SLC22A23: variants seen among roughly 807,000 people sequenced by gnomAD.
SLC22A23 encodes ion transporter protein.
A neutral mutation model predicts 61.0 loss-of-function variants in SLC22A23; 26 were observed. The observed-to-expected ratio is 0.43, with a 90% CI of 0.31 to 0.59. The LOEUF (loss-of-function observed/expected upper bound fraction) is 0.59, where lower values mean the gene tolerates loss of function less well. SLC22A23 is among the 20% of genes least tolerant of loss of function. The pLI is 0.11. For synonymous variants in SLC22A23, 430 were observed against 413.9 expected, an observed-to-expected ratio of 1.04 and a Z score of -0.47; for missense variants, 796 against 934.7, an observed-to-expected ratio of 0.85 and a Z score of 1.94.
In SLC22A23 at chr6:3,410,089, C is replaced by T. The variant is rs1769111893; in HGVS notation, c.913+99G>A. Reference sequence around the variant, plus strand: ...GTTTGTGTTTCCACAAAACTGCCAGCCCACACGAGCAGCATGCACAGTATC... The same window carrying T: ...GTTTGTGTTTCCACAAAACTGCCAGTCCACACGAGCAGCATGCACAGTATC... On this transcript the variant is annotated intron_variant, in intron 3 of 9. Coordinates refer to ENST00000406686, the MANE Select transcript of SLC22A23 (RefSeq NM_015482.2). This position sits in a 1 kb window ranked among gnomAD's most constrained non-coding sequence, Gnocchi z 5.0. 2 of 1,380,826 alleles carry T rather than the reference C, an allele frequency of 1.4e-6. No homozygotes were observed. Among genetic ancestry groups the T allele is most frequent in the Non-Finnish European group, 1.9e-6 (2 of 1,028,736 alleles). 85.5% of individuals were successfully genotyped at this position (1,380,826 alleles called of 1,614,324 possible).
chr6:3,282,724 G>A (rs1298298583), intron 9 of SLC22A23, among the ~76,000 whole-genome samples: 4 of 152,250 alleles, frequency 2.6e-5, no homozygotes, highest in African/African-American at 4.8e-5. Context: ...GAAGTTCAGT[G>A]TGGTATAACT....
Position 3,289,872 on chromosome 6 carries a change from A to G in SLC22A23, c.1211-6T>C, listed in dbSNP as rs751487730. 4 of 1,613,362 alleles carry G rather than the reference A, an allele frequency of 2.5e-6. No individual in the cohort carries two copies. The highest frequency in any genetic ancestry group is 3.4e-6 in the Non-Finnish European group (4 of 1,179,720). Reference sequence around the variant, plus strand: ...GGAAAGCTCTTTCTCCAGCTCTGCAAAGAAACAGACCCTGTGAGCCCTGGG... The same window carrying G: ...GGAAAGCTCTTTCTCCAGCTCTGCAGAGAAACAGACCCTGTGAGCCCTGGG... On this transcript the variant is annotated splice_polypyrimidine_tract_variant and splice_region_variant and intron_variant, in intron 5 of 9. Transcript: ENST00000406686.
At chr6:3,440,967 G>A (rs1771551965) in intron 1 of SLC22A23, among the ~76,000 whole-genome samples, 1 of 152,242 alleles carries the variant, frequency 6.6e-6, no homozygotes. Context: ...GAGCAGTTGT[G>A]TGGGGTCCGG....
chr6:3,440,203 T>C (rs942045012), intron 1 of SLC22A23, among the ~76,000 whole-genome samples: 1 of 152,168 alleles, frequency 6.6e-6, no homozygotes, highest in Non-Finnish European at 1.5e-5. Flanking sequence ...CGGGTGCAGA[T>C]ACAGATCAGA....
intron 3 of SLC22A23, among the ~76,000 whole-genome samples, chr6:3,348,160 C>G (rs1424916562): frequency 6.6e-6 from 1 of 152,196 alleles, no homozygotes; most frequent in Non-Finnish European, 1.5e-5. Context: ...TTTTTGTTTT[C>G]TTCAGTCCCA....
Position 3,289,919 on chromosome 6 carries a change from G to A in SLC22A23, c.1211-53C>T, listed in dbSNP as rs776968264. 6 of 1,461,126 alleles carry A rather than the reference G, an allele frequency of 4.1e-6. No homozygotes were observed. The African/African-American group carries it at 8.4e-5, about 20-fold the overall frequency. The allele number at this position is 1,461,126 out of a possible 1,614,324, so 90.5% of individuals were successfully genotyped here. ...TGGGCAGGCCGCCCACAGAGGACAG[G>A]ACAGCAGCTGCAGTCACAGCCCTGG... is the stretch of plus-strand genomic sequence containing the variant. On this transcript the variant is annotated intron_variant, in intron 5 of 9. Transcript: ENST00000406686.
At chr6:3,314,424 G>A (rs9378781) in intron 4 of SLC22A23, among the ~76,000 whole-genome samples, 2 of 151,962 alleles carry the variant, frequency 1.3e-5, no homozygotes, top group Admixed American at 6.6e-5. Flanking sequence ...GCCATGGGGC[G>A]TCAGCAACAC....
At chr6:3,303,921 G>GCACAACAT (rs1761793402) in intron 4 of SLC22A23, among the ~76,000 whole-genome samples, 1 of 152,214 alleles carries the variant, frequency 6.6e-6, no homozygotes, top group African/African-American at 2.4e-5. Context: ...ATTTAATGTA[G>GCACAACAT]CACAACATCA....
rs1758505656 is a variant in SLC22A23, at chr6:3,271,998, G to A, written c.*1057C>T. 1 of 152,386 alleles carries A rather than the reference G, an allele frequency of 6.6e-6. No homozygotes were observed. The highest frequency in any genetic ancestry group is 6.5e-5 in the Admixed American group (1 of 15,290). 9.4% of individuals were successfully genotyped at this position (152,386 alleles called of 1,614,324 possible). ...TGGCCCAGGAAGGCAGGCGTGAGGG[G>A]GCCCAGCTCCTGCGGGTGCTCCCTG... On this transcript the variant is annotated 3_prime_UTR_variant, in exon 10 of 10. Transcript: ENST00000406686.
At chr6:3,350,394 A>G (rs1764694817) in intron 3 of SLC22A23, among the ~76,000 whole-genome samples, 2 of 152,242 alleles carry the variant, frequency 1.3e-5, no homozygotes, top group African/African-American at 4.8e-5. Flanking sequence ...TAAATGGTTC[A>G]AGACAACCAA....
rs956026059 is a variant in SLC22A23 at position 3,432,457 on chromosome 6, A to G, written c.655-16602T>C. On this transcript the variant is annotated intron_variant, in intron 1 of 9. Coordinates refer to ENST00000406686, the MANE Select transcript of SLC22A23 (RefSeq NM_015482.2). Reference sequence around the variant, plus strand: ...CAACTGCTCTTCAGCTCACTGTAAAACCAGGCAGAGGGAGGACTTCCAGGA... The same window carrying G: ...CAACTGCTCTTCAGCTCACTGTAAAGCCAGGCAGAGGGAGGACTTCCAGGA... 1.4e-5 allele frequency: 13 copies of G among 947,520 alleles called. No homozygotes were observed. The African/African-American group carries it at 2.3e-4, about 17-fold the overall frequency. 58.7% of individuals were successfully genotyped at this position (947,520 alleles called of 1,614,324 possible). A position where few individuals can be genotyped will look rare whatever the true frequency, so the allele number is the denominator to read the frequency against.
rs112860304 is a variant in SLC22A23 at position 3,308,759 on chromosome 6, A to G, written c.1083-10541T>C. On this transcript the variant is annotated intron_variant, in intron 4 of 9. Transcript: ENST00000406686. The surrounding 1 kb of genome is among the most constrained non-coding windows in gnomAD (Gnocchi z 5.1). ...GGAGTTCAAGACCAGCCTGACCAACATGGTGAAACCCCGTCTCTACTAAAA... is the reference window on the plus strand; with the variant it reads ...GGAGTTCAAGACCAGCCTGACCAACGTGGTGAAACCCCGTCTCTACTAAAA... Among the ~76,000 whole-genome samples, 7,098 of 152,218 alleles carry G rather than the reference A, an allele frequency of 0.047. 275 individuals carry two copies. The highest frequency in any genetic ancestry group is 0.1 in the African/African-American group (4,247 of 41,508).
Position 3,456,736 on chromosome 6 carries a change from C to G in SLC22A23, c.-177G>C, listed in dbSNP as rs1258169280. On this transcript the variant is annotated 5_prime_UTR_variant, in exon 1 of 10. Coordinates refer to ENST00000406686, the MANE Select transcript of SLC22A23 (RefSeq NM_015482.2). This position sits in a 1 kb window ranked among gnomAD's most constrained non-coding sequence, Gnocchi z 7.1. ...GTCAGGCCGCCCCCATGTCACCCGC[C>G]GGACCCCGCGCCCCGGGCGCTGCGG... 4.1e-6 allele frequency: 1 copy of G among 246,216 alleles called. No individual in the cohort carries two copies. The highest frequency in any genetic ancestry group is 6.4e-6 in the Non-Finnish European group (1 of 157,460). The allele number at this position is 246,216 out of a possible 1,614,324, so 15.3% of individuals were successfully genotyped here. A position where few individuals can be genotyped will look rare whatever the true frequency, so the allele number is the denominator to read the frequency against.
intron 1 of SLC22A23, among the ~76,000 whole-genome samples, chr6:3,449,482 A>G (rs1772066823): frequency 6.6e-6 from 1 of 152,258 alleles, no homozygotes; most frequent in Admixed American, 6.5e-5. Flanking sequence ...TGCTTCTCAC[A>G]GCATATACAC....
At chr6:3,312,671 T>A (rs767215680) in intron 4 of SLC22A23, 32 of 152,098 alleles carry the variant, frequency 2.1e-4, no homozygotes, top group Non-Finnish European at 3.2e-4. Flanking sequence ...GGCGGCTGGG[T>A]CCCCTTGTCC....
intron 3 of SLC22A23, among the ~76,000 whole-genome samples, chr6:3,389,036 G>A (rs767839132): frequency 1.3e-4 from 20 of 152,068 alleles, no homozygotes; most frequent in Middle Eastern, 3.4e-3. Flanking sequence ...GGGAGGCTGC[G>A]GCGGGCAGAT....
At chr6:3,369,205 C>T (rs1051192118) in intron 3 of SLC22A23, among the ~76,000 whole-genome samples, 3 of 152,050 alleles carry the variant, frequency 2.0e-5, no homozygotes, top group African/African-American at 7.2e-5. Context: ...CATGTGAATT[C>T]TTGTCCCCTG....
intron 1 of SLC22A23, among the ~76,000 whole-genome samples, chr6:3,428,119 C>T (rs559679468): frequency 2.6e-5 from 4 of 152,182 alleles, no homozygotes; most frequent in Non-Finnish European, 4.4e-5. Flanking sequence ...TATGGGACAG[C>T]GAAAGGAGTA....
rs370752622 is a variant in SLC22A23 at position 3,282,033 on chromosome 6, G to A, written c.1703+1819C>T. ...AGCTTGCTAAGCCAAATCTAACAGA[G>A]AATAATGATGCCTACCAACTGCCAG... On this transcript the variant is annotated intron_variant, in intron 9 of 9. Coordinates refer to ENST00000406686, the MANE Select transcript of SLC22A23 (RefSeq NM_015482.2). Among the ~76,000 whole-genome samples the A allele has an allele frequency of 4.6e-5, 7 of 152,264 alleles. No individual in the cohort carries two copies. In the East Asian group the frequency reaches 5.8e-4, roughly 13 times the overall value.
Sources: gnomAD v4.1 joint callset for allele counts (sites outside exome capture counted in the v4.1 genomes callset) on GRCh38, gnomAD v4.1.1 for gene constraint, Gnocchi (gnomAD v3.1) non-coding constraint, MANE v1.5 for transcripts, NCBI Gene and HGNC (gene_info 2026-07-23, HGNC 2026-07-21) for gene names.